The following IFNAR2 variants were observed in gnomAD, a reference collection of about 807,000 sequenced individuals.
IFNAR2 encodes the protein interferon alpha/beta receptor 2.
A neutral mutation model predicts 49.4 loss-of-function variants in IFNAR2; 30 were observed. The ratio of observed to expected loss-of-function variants is 0.61; its 90% CI spans 0.45 to 0.82. The LOEUF (loss-of-function observed/expected upper bound fraction) is 0.82, where lower values mean the gene tolerates loss of function less well. Ranked by LOEUF, IFNAR2 falls within the 40% of genes least tolerant of loss-of-function variation. The pLI is 0.00. For synonymous variants in IFNAR2, 224 were observed against 234.5 expected, an observed-to-expected ratio of 0.96 and a Z score of 0.41; for missense variants, 600 against 622.7, an observed-to-expected ratio of 0.96 and a Z score of 0.39.
At chr21:33,247,969 AAAAG>A (rs1262183958) in intron 5 of IFNAR2, among the ~76,000 whole-genome samples, 3 of 152,364 alleles carry the variant, frequency 2.0e-5, no homozygotes, top group East Asian at 1.9e-4. Flanking sequence ...GTACACACAG[AAAAG>A]AAAGAAAATC....
chr21:33,246,433 C>T (rs1987414529), intron 4 of IFNAR2, among the ~76,000 whole-genome samples: 2 of 152,166 alleles, frequency 1.3e-5, no homozygotes, highest in African/African-American at 2.4e-5. Context: ...ACCAAAGTCC[C>T]TGCCCTCCTG....
chr21:33,249,337 C>G (rs955891743), intron 6 of IFNAR2, among the ~76,000 whole-genome samples: 4 of 107,002 alleles, frequency 3.7e-5, no homozygotes, highest in Admixed American at 2.8e-4. Context: ...GAGCAAGACT[C>G]CGTCTCAAAA....
At chr21:33,248,011 T>A (rs1356056727) in intron 5 of IFNAR2, among the ~76,000 whole-genome samples, 1 of 152,234 alleles carries the variant, frequency 6.6e-6, no homozygotes, top group Non-Finnish European at 1.5e-5. Flanking sequence ...GTATTTGGGT[T>A]GTTAAAGAAT....
chr21:33,259,330 C>G (rs1244191905), intron 7 of IFNAR2, among the ~76,000 whole-genome samples: 5 of 151,996 alleles, frequency 3.3e-5, no homozygotes, highest in Non-Finnish European at 7.4e-5. Context: ...CATCTCTTTT[C>G]AAATATGAAT....
In IFNAR2 at chr21:33,261,035, C is replaced by CTTTTTTTTTTTTTTTTTTTTTT. The variant is rs368696822; in HGVS notation, c.840+329_840+330insTTTTTTTTTTTTTTTTTTTTTT. Among the ~76,000 whole-genome samples, 3 of 95,998 alleles carry CTTTTTTTTTTTTTTTTTTTTTT rather than the reference C, an allele frequency of 3.1e-5. 1 individual carries two copies. The highest frequency in any genetic ancestry group is 1.9e-5 in the Non-Finnish European group (1 of 52,424). The allele number at this position is 95,998 out of a possible 152,430, so 63.0% of individuals were successfully genotyped here. ...ATCTGTGCATTTTATGTTTTCTTTC[C>CTTTTTTTTTTTTTTTTTTTTTT]TTTTTTTTTTTTTTTTTTTTTGAGA... On this transcript the variant is annotated intron_variant, in intron 8 of 8. Transcript: ENST00000342136.
intron 5 of IFNAR2, among the ~76,000 whole-genome samples, chr21:33,247,246 C>CTTTTTTT (rs71194830): frequency 1.4e-4 from 14 of 101,258 alleles, no homozygotes; most frequent in Non-Finnish European, 1.8e-4. Context: ...TTCTTTCTTT[C>CTTTTTTT]TTTCTTTCTT....
At chr21:33,242,073 A>G in intron 2 of IFNAR2, 96 bp downstream of exon 2, 1 of 1,169,416 alleles carries the variant, frequency 8.6e-7, no homozygotes, top group Non-Finnish European at 1.2e-6. Context: ...CATTTCCCTG[A>G]CTAGAGGACC....
In IFNAR2 at chr21:33,246,399, A is replaced by G. The variant is rs1162653063; in HGVS notation, c.222-319A>G. On this transcript the variant is annotated intron_variant, in intron 4 of 8. Transcript: ENST00000342136. ...CGGCAAGTTTTACTGAGCACCTACT[A>G]CATGCCAGGGGGTCCAACTGTGAAC... 2.0e-5 allele frequency among the ~76,000 whole-genome samples: 3 copies of G among 152,168 alleles called. No homozygotes were observed. The East Asian group carries it at 5.8e-4, about 29-fold the overall frequency.
At chr21:33,240,204 A>G (rs961173438) in intron 1 of IFNAR2, among the ~76,000 whole-genome samples, 5 of 152,224 alleles carry the variant, frequency 3.3e-5, no homozygotes, top group African/African-American at 1.2e-4. Context: ...TGGACCTTTT[A>G]TATGACGATA....
chr21:33,263,202 C>T lies in IFNAR2; in HGVS notation c.1250C>T (p.Ser417Phe). Residue 417 changes from serine (S) to phenylalanine (F), a missense_variant, in exon 9 of 9, where the codon TCT becomes TTT. Ser to Phe is a radical substitution (Grantham distance 155, BLOSUM62 -2). Coordinates refer to ENST00000342136, the MANE Select transcript of IFNAR2 (RefSeq NM_001289125.3). Reference protein sequence around the residue: ...PEEDYSSTEGSGGRITFNVDL... With the variant: ...PEEDYSSTEGFGGRITFNVDL... ...GAGGACTACAGCTCCACGGAGGGGT[C>T]TGGGGGCAGAATTACCTTCAATGTG... The T allele has an allele frequency of 6.2e-7, 1 of 1,614,202 alleles. No homozygotes were observed. The highest frequency in any genetic ancestry group is 8.5e-7 in the Non-Finnish European group (1 of 1,180,034).
chr21:33,236,651 A>G (rs894758014), intron 1 of IFNAR2: 3 of 981,666 alleles, frequency 3.1e-6, no homozygotes, highest in African/African-American at 1.7e-5. Flanking sequence ...GTTGTTAGGC[A>G]TAGAGATTGA....
intron 1 of IFNAR2, among the ~76,000 whole-genome samples, chr21:33,234,078 G>A (rs144118969): frequency 1.7e-4 from 26 of 151,750 alleles, no homozygotes; most frequent in African/African-American, 5.1e-4. Context: ...AACCTTAGAG[G>A]GATATCATAG....
intron 7 of IFNAR2, among the ~76,000 whole-genome samples, chr21:33,254,239 G>A (rs1433907604): frequency 6.6e-6 from 1 of 152,166 alleles, no homozygotes; most frequent in Non-Finnish European, 1.5e-5. Context: ...GAGTGGTCCA[G>A]ACGTGCCTCA....
chr21:33,239,391 T>C (rs1392528967), intron 1 of IFNAR2, among the ~76,000 whole-genome samples: 1 of 152,208 alleles, frequency 6.6e-6, no homozygotes, highest in Non-Finnish European at 1.5e-5. Context: ...GAGTTTCTCC[T>C]TACAAATTGC....
intron 1 of IFNAR2, among the ~76,000 whole-genome samples, chr21:33,238,190 AT>A (rs1312310735): frequency 6.6e-6 from 1 of 152,150 alleles, no homozygotes; most frequent in Non-Finnish European, 1.5e-5. Flanking sequence ...CTTAAATTGC[AT>A]TTTATAAAAT....
intron 5 of IFNAR2, among the ~76,000 whole-genome samples, chr21:33,247,117 C>A (rs577952546): frequency 1.3e-5 from 2 of 152,148 alleles, no homozygotes; most frequent in African/African-American, 4.8e-5. Context: ...AGATTTGCCC[C>A]GTGCCTGTAT....
chr21:33,238,671 G>T (rs915286075), intron 1 of IFNAR2, among the ~76,000 whole-genome samples: 1 of 134,746 alleles, frequency 7.4e-6, no homozygotes, highest in African/African-American at 2.5e-5. Context: ...GTGTTTTTTT[G>T]GGGGGGTTGT....
chr21:33,262,604 G>A lies in IFNAR2; in HGVS notation c.841-189G>A, dbSNP rs553002118. 2.5e-5 allele frequency: 20 copies of A among 791,032 alleles called. No homozygotes were observed. In the African/African-American group the frequency reaches 3.4e-4, roughly 13 times the overall value. 49.0% of individuals were successfully genotyped at this position (791,032 alleles called of 1,614,324 possible). ...GGCTGGAATGCAGTGGCTATTCACA[G>A]GTGCAGTCATAATGCACTACAGTCT... On this transcript the variant is annotated intron_variant, in intron 8 of 8. Transcript: ENST00000342136.
intron 7 of IFNAR2, among the ~76,000 whole-genome samples, chr21:33,260,220 C>G (rs1357773074): frequency 1.5e-4 from 23 of 152,244 alleles, no homozygotes; most frequent in Non-Finnish European, 4.4e-5. Flanking sequence ...TCTTCCTGCC[C>G]GCAGCGCATG....
Sources: gnomAD v4.1 joint callset for allele counts (sites outside exome capture counted in the v4.1 genomes callset) on GRCh38, gnomAD v4.1.1 for gene constraint, MANE v1.5 for transcripts, NCBI Gene and HGNC (gene_info 2026-07-23, HGNC 2026-07-21) for gene names.